RNF38: variants seen among roughly 807,000 people sequenced by gnomAD.
RNF38 encodes the protein ring finger protein 38.
Under a neutral mutation model 67.2 loss-of-function variants are expected in RNF38, and 15 were observed. The ratio of observed to expected loss-of-function variants is 0.22; its 90% CI spans 0.15 to 0.34. The LOEUF is 0.34. RNF38 is among the 10% of genes least tolerant of loss of function. The pLI is 1.00. For synonymous variants in RNF38, 220 were observed against 218.8 expected (o/e 1.01, Z -0.05); for missense variants, 524 against 639.9 (o/e 0.82, Z 1.95).
chr9:36,422,132 T>A (rs1372985677), intron 2 of RNF38, among the ~76,000 whole-genome samples: 1 of 152,152 alleles, frequency 6.6e-6, no homozygotes, highest in Non-Finnish European at 1.5e-5. Flanking sequence ...CTTGGGAGGC[T>A]GAGGCACAAC....
chr9:36,348,641 A>C (rs1833475958), intron 9 of RNF38, among the ~76,000 whole-genome samples: 1 of 152,256 alleles, frequency 6.6e-6, no homozygotes, highest in Non-Finnish European at 1.5e-5. Flanking sequence ...ATCCAGAACA[A>C]GGTCCTTTAA....
chr9:36,358,351 A>G (rs1834279312), intron 4 of RNF38, among the ~76,000 whole-genome samples: 1 of 152,258 alleles, frequency 6.6e-6, no homozygotes, highest in South Asian at 2.1e-4. Flanking sequence ...AAAAAAATGA[A>G]ATCTCATTTC....
chr9:36,478,782 A>C (rs1197479275), intron 1 of RNF38, among the ~76,000 whole-genome samples: 1 of 147,344 alleles, frequency 6.8e-6, no homozygotes, highest in Admixed American at 7.1e-5. Context: ...GCGCCACTGC[A>C]CTCCAGCCTG....
intron 10 of RNF38, among the ~76,000 whole-genome samples, chr9:36,343,000 T>C (rs1290255142): frequency 2.0e-5 from 3 of 152,230 alleles, no homozygotes; most frequent in Non-Finnish European, 2.9e-5. Flanking sequence ...AATGGTATAG[T>C]ATTTGTGACC....
chr9:36,423,667 C>CCCCTA (rs368932410), intron 2 of RNF38, among the ~76,000 whole-genome samples: 23 of 102,554 alleles, frequency 2.2e-4, no homozygotes, highest in African/African-American at 3.4e-4. Flanking sequence ...TGAAAAGCCC[C>CCCCTA]GGCCGGGCGC....
At chr9:36,378,169 CTTTTTTTTTTTT>C (rs35057784) in intron 2 of RNF38, among the ~76,000 whole-genome samples, 2 of 114,880 alleles carry the variant, frequency 1.7e-5, no homozygotes, top group African/African-American at 3.4e-5. Context: ...TTAACACTGA[CTTTTTTTTTTTT>C]TTTTTTTTTT....
chr9:36,407,909 G>A (rs919385015), intron 2 of RNF38, among the ~76,000 whole-genome samples: 1 of 151,984 alleles, frequency 6.6e-6, no homozygotes, highest in Non-Finnish European at 1.5e-5. Flanking sequence ...TTTAAATCCT[G>A]TATTACATTT....
chr9:36,362,889 C>A lies in RNF38; in HGVS notation c.571-4947G>T, dbSNP rs1337099078. On this transcript the variant is annotated intron_variant, in intron 4 of 11. Transcript: ENST00000259605. Reference sequence around the variant, plus strand: ...CCTCGTGATCTGTCCGCCTCGGCCTCCCAAAGTGCTGGGATTACAAGCGTG... The same window carrying A: ...CCTCGTGATCTGTCCGCCTCGGCCTACCAAAGTGCTGGGATTACAAGCGTG... 2.1e-5 allele frequency among the ~76,000 whole-genome samples: 3 copies of A among 145,796 alleles called. 1 individual carries two copies. Among genetic ancestry groups the A allele is most frequent in the Non-Finnish European group, 4.6e-5 (3 of 65,638 alleles).
At position 36,356,462 on chromosome 9, in the gene RNF38, T is replaced by C. The variant is rs773176841; in HGVS notation, c.750A>G (p.Ala250=). Residue 250 remains alanine, a synonymous_variant, in exon 6 of 12, where the codon GCA becomes GCG. Coordinates refer to ENST00000259605, the MANE Select transcript of RNF38 (RefSeq NM_022781.5). Reference sequence around the variant, plus strand: ...GTACTGGTAAGTGCTGAACTGAACATGCCTGAAGCATCTGTAAGAGAAACC... The same window carrying C: ...GTACTGGTAAGTGCTGAACTGAACACGCCTGAAGCATCTGTAAGAGAAACC... ...VCSVPPPMLQ[A]CSVQHLPVPY... is the part of the protein sequence containing the mutation. 1.4e-5 allele frequency: 22 copies of C among 1,586,202 alleles called. No individual in the cohort carries two copies. The highest frequency in any genetic ancestry group is 1.7e-4 in the Middle Eastern group (1 of 5,938).
chr9:36,421,387 G>A (rs1838622805), intron 2 of RNF38, among the ~76,000 whole-genome samples: 2 of 152,140 alleles, frequency 1.3e-5, no homozygotes, highest in African/African-American at 4.8e-5. Flanking sequence ...GTTGGGGCCA[G>A]GCATGGTGGC....
chr9:36,361,170 C>CTAT (rs1564008832), intron 4 of RNF38, among the ~76,000 whole-genome samples: 1 of 151,826 alleles, frequency 6.6e-6, no homozygotes, highest in Non-Finnish European at 1.5e-5. Flanking sequence ...CATTTTTTCC[C>CTAT]CATACTAAGA....
chr9:36,416,398 G>A (rs2480465), intron 2 of RNF38, among the ~76,000 whole-genome samples: 3 of 152,014 alleles, frequency 2.0e-5, no homozygotes, highest in Non-Finnish European at 4.4e-5. Flanking sequence ...TGACAACACC[G>A]TTATATCCAG....
intron 1 of RNF38, among the ~76,000 whole-genome samples, chr9:36,466,109 T>G (rs1319425528): frequency 6.6e-6 from 1 of 152,178 alleles, no homozygotes; most frequent in Admixed American, 6.6e-5. Flanking sequence ...TAGATGAACC[T>G]GAAAATACTA....
At chr9:36,386,748 C>T (rs1006835646) in intron 2 of RNF38, among the ~76,000 whole-genome samples, 7 of 152,196 alleles carry the variant, frequency 4.6e-5, no homozygotes, top group African/African-American at 1.7e-4. Context: ...TACACTCCCA[C>T]CAGCACCATG....
At chr9:36,417,075 T>G (rs150707161) in intron 2 of RNF38, among the ~76,000 whole-genome samples, 328 of 152,222 alleles carry the variant, frequency 2.2e-3, no homozygotes, top group African/African-American at 7.4e-3. Flanking sequence ...CATCAACTTT[T>G]ATATTTCATT....
In RNF38 at chr9:36,375,940, C is replaced by A. The variant is rs373441972; in HGVS notation, c.350G>T (p.Arg117Ile). 15 of 1,606,232 alleles carry A rather than the reference C, an allele frequency of 9.3e-6. No homozygotes were observed. Among genetic ancestry groups the A allele is most frequent in the Non-Finnish European group, 1.2e-5 (14 of 1,177,464 alleles). ...TAAATTGTAATCAACTAACCTTCTT[C>A]TGTTGCGTGCAGGTGTGTTGCATCG... ...GERCNTPARN[R>I]RSPPVRRQRG... is the part of the protein sequence containing the mutation. The change falls in exon 3 of 12, where the codon AGA becomes ATA. Residue 117 changes from arginine (R) to isoleucine (I), a missense_variant. By Grantham distance (97) the Arg-to-Ile change is moderately conservative (BLOSUM62 -3). Transcript: ENST00000259605.
At chr9:36,421,327 A>T (rs1261329038) in intron 2 of RNF38, among the ~76,000 whole-genome samples, 1 of 152,134 alleles carries the variant, frequency 6.6e-6, no homozygotes, top group East Asian at 1.9e-4. Flanking sequence ...TGAACAAGTA[A>T]TTTCTCCCAT....
intron 7 of RNF38, 109 bp downstream of exon 7, chr9:36,353,061 C>A: frequency 9.9e-7 from 1 of 1,007,884 alleles, no homozygotes. Context: ...CAACTGAATG[C>A]TGTCGAGAAT....
At chr9:36,396,909 A>G (rs1211245171) in intron 1 of RNF38, among the ~76,000 whole-genome samples, 1 of 151,918 alleles carries the variant, frequency 6.6e-6, no homozygotes, top group Non-Finnish European at 1.5e-5. Flanking sequence ...TTCATCTCTA[A>G]GCTTCAACAG....
Sources: gnomAD v4.1 joint callset for allele counts (sites outside exome capture counted in the v4.1 genomes callset) on GRCh38, gnomAD v4.1.1 for gene constraint, MANE v1.5 for transcripts, NCBI Gene and HGNC (gene_info 2026-07-23, HGNC 2026-07-21) for gene names.